NCOR2: variants seen among roughly 807,000 people sequenced by gnomAD.
The protein encoded by NCOR2 is CTG repeat protein 26.
A neutral mutation model predicts 262.9 loss-of-function variants in NCOR2; 81 were observed. That is an observed-to-expected ratio of 0.31 (90% CI 0.26 to 0.37). The LOEUF is 0.37. Among genes scored for constraint, NCOR2 ranks in the 10% least tolerant of loss-of-function variants. The pLI is 1.00. For synonymous variants in NCOR2, 1,659 were observed against 1,559.3 expected, an observed-to-expected ratio of 1.06 and a Z score of -1.51; for missense variants, 3,385 against 3,621.4, an observed-to-expected ratio of 0.93 and a Z score of 1.68.
intron 1 of NCOR2, among the ~76,000 whole-genome samples, chr12:124,509,638 G>T (rs147797465): frequency 3.9e-5 from 6 of 152,294 alleles, no homozygotes; most frequent in Non-Finnish European, 8.8e-5. Context: ...CAGAGAAATG[G>T]AATGGGAGAC....
chr12:124,391,070 A>G (rs1177168011), intron 16 of NCOR2, among the ~76,000 whole-genome samples: 1 of 152,242 alleles, frequency 6.6e-6, no homozygotes, highest in Admixed American at 6.5e-5. Context: ...GCCAGGACTC[A>G]GCCTCCTCGG....
intron 4 of NCOR2, among the ~76,000 whole-genome samples, chr12:124,472,345 T>C (rs969899813): frequency 6.6e-6 from 1 of 152,246 alleles, no homozygotes; most frequent in African/African-American, 2.4e-5. Flanking sequence ...TTATTTTTAA[T>C]CTCGGGATCT....
At chr12:124,336,629 G>T in intron 38 of NCOR2, 124 bp downstream of exon 40, 3 of 1,501,262 alleles carry the variant, frequency 2.0e-6, no homozygotes, top group African/African-American at 1.4e-5. Flanking sequence ...GTGCGGGCCG[G>T]AAGTCTTACC....
At position 124,340,462 on chromosome 12, in the gene NCOR2, A is replaced by G; in HGVS notation, c.5339-19T>C. 6.2e-7 allele frequency: 1 copy of G among 1,609,176 alleles called. No homozygotes were observed. Among genetic ancestry groups the G allele is most frequent in the Non-Finnish European group, 8.5e-7 (1 of 1,178,296 alleles). On this transcript the variant is annotated intron_variant, in intron 35 of 46. Coordinates refer to ENST00000405201, the Ensembl canonical transcript of NCOR2. ...GGACCTCCTAGGAAACCCAAAGGCC[A>G]GAGACTCAGCCCCAGGGCCGAAGAA...
intron 44 of NCOR2, chr12:124,328,977 T>G (rs2135729700): frequency 2.9e-6 from 1 of 349,536 alleles, no homozygotes; most frequent in Non-Finnish European, 5.8e-6. Context: ...AAAGCAACAT[T>G]TCCAACAAGG....
chr12:124,535,210 C>CG (rs1464297994), intron 1 of NCOR2, among the ~76,000 whole-genome samples: 2 of 152,194 alleles, frequency 1.3e-5, no homozygotes, highest in Non-Finnish European at 2.9e-5. Flanking sequence ...GCCAAACCTG[C>CG]GGGCCCACCG....
At chr12:124,375,362 G>A (rs1052443768) in intron 18 of NCOR2, among the ~76,000 whole-genome samples, 1 of 152,178 alleles carries the variant, frequency 6.6e-6, no homozygotes, top group East Asian at 1.9e-4. Context: ...TTATCAAGGG[G>A]GTCTGGGGCA....
chr12:124,422,480 A>ATG, intron 12 of NCOR2, 21 bp downstream of exon 14: 1 of 1,613,760 alleles, frequency 6.2e-7, no homozygotes, highest in Non-Finnish European at 8.5e-7. Context: ...CCGAAGGGGT[A>ATG]TGGGGCGGGC....
In NCOR2 at chr12:124,501,176, G is replaced by A. The variant is rs140519324; in HGVS notation, c.-117-5808C>T. 2.0e-3 allele frequency among the ~76,000 whole-genome samples: 299 copies of A among 152,086 alleles called. 4 individuals carry two copies. The East Asian group carries it at 0.031, about 16-fold the overall frequency. On this transcript the variant is annotated intron_variant, in intron 1 of 46. Transcript: ENST00000404621. ...CCCCCCTGGGGTGGGCGGAACCACGGCGGGAACACAGGCCGTGCCTCCACT... is the reference window on the plus strand; with the variant it reads ...CCCCCCTGGGGTGGGCGGAACCACGACGGGAACACAGGCCGTGCCTCCACT...
chr12:124,464,082 T>C (rs1593660364), intron 5 of NCOR2, among the ~76,000 whole-genome samples: 2 of 152,136 alleles, frequency 1.3e-5, no homozygotes, highest in African/African-American at 2.4e-5. Flanking sequence ...TCATGTCCCA[T>C]GGGGACAAGG....
intron 3 of NCOR2, among the ~76,000 whole-genome samples, chr12:124,478,216 ACAG>A (rs2047213486): frequency 1.3e-5 from 2 of 152,328 alleles, no homozygotes; most frequent in South Asian, 4.2e-4. Flanking sequence ...ATGAAAAGGG[ACAG>A]GGTCCTGAGG....
chr12:124,565,620 G>A (rs1566065644), intron 1 of NCOR2, among the ~76,000 whole-genome samples: 1 of 151,346 alleles, frequency 6.6e-6, no homozygotes, highest in Admixed American at 6.6e-5. Flanking sequence ...TGGATTAAAG[G>A]CCCAATCTTA....
chr12:124,343,889 A>G (rs1462946611), intron 32 of NCOR2, among the ~76,000 whole-genome samples: 2 of 152,184 alleles, frequency 1.3e-5, no homozygotes, highest in Non-Finnish European at 2.9e-5. Context: ...TGACCTCCCA[A>G]ACTGCTGGGA....
chr12:124,387,697 G>A (rs548532675), intron 16 of NCOR2, among the ~76,000 whole-genome samples: 65 of 152,344 alleles, frequency 4.3e-4, no homozygotes, highest in Non-Finnish European at 7.8e-4. Flanking sequence ...AGTGGCACCC[G>A]GCCCCTGACC....
At chr12:124,358,834 G>A (rs558422173) in intron 22 of NCOR2, among the ~76,000 whole-genome samples, 14 of 152,308 alleles carry the variant, frequency 9.2e-5, no homozygotes, top group East Asian at 1.9e-4. Flanking sequence ...CAATGTAAGC[G>A]TGTTCACTCA....
At chr12:124,563,504 C>A (rs1220921817) in intron 1 of NCOR2, among the ~76,000 whole-genome samples, 1 of 152,268 alleles carries the variant, frequency 6.6e-6, no homozygotes, top group African/African-American at 2.4e-5. Flanking sequence ...AATGAAGCCG[C>A]CATCTGCCCC....
intron 17 of NCOR2, among the ~76,000 whole-genome samples, chr12:124,381,083 C>A (rs924245350): frequency 4.6e-5 from 7 of 152,290 alleles, no homozygotes; most frequent in Admixed American, 1.3e-4. Context: ...AACTCTCCAA[C>A]ACCTGGATAC....
In NCOR2 at chr12:124,518,497, C is replaced by T. The variant is rs934231624; in HGVS notation, c.-118+17068G>A. 1.8e-4 allele frequency among the ~76,000 whole-genome samples: 27 copies of T among 152,360 alleles called. 1 individual carries two copies. The highest frequency in any genetic ancestry group is 5.8e-4 in the East Asian group (3 of 5,158). ...GGCCCACCGGCGACAAGTGCGGGGC[C>T]GCCTGACCCCACGGCTGGGCCGTGA... is the stretch of plus-strand genomic sequence containing the variant. On this transcript the variant is annotated intron_variant, in intron 1 of 46. Transcript: ENST00000404621.
exon 31 of NCOR2, chr12:124,346,732 G>A (rs199859650): frequency 1.9e-4 from 304 of 1,560,876 alleles, no homozygotes; most frequent in Non-Finnish European, 2.3e-4. Context: ...CCTGCGTCTT[G>A]TAGGCCTCGG....
Sources: gnomAD v4.1 joint callset for allele counts (sites outside exome capture counted in the v4.1 genomes callset) on GRCh38, gnomAD v4.1.1 for gene constraint, MANE v1.5 for transcripts, NCBI Gene and HGNC (gene_info 2026-07-23, HGNC 2026-07-21) for gene names.